TINAG: variants seen among roughly 807,000 people sequenced by gnomAD.
The protein encoded by TINAG is tubulointerstitial nephritis antigen.
TINAG carries 83 observed loss-of-function variants against 72.7 expected under a neutral mutation model. The ratio of observed to expected loss-of-function variants is 1.14; its 90% CI spans 0.96 to 1.37. TINAG has a LOEUF of 1.37. Among genes scored for constraint, TINAG ranks in the 40% most tolerant of loss-of-function variants. TINAG has a pLI of 0.00. For synonymous variants in TINAG, 234 were observed against 189.9 expected (o/e 1.23, Z -1.91); for missense variants, 685 against 576.6 (o/e 1.19, Z -1.93).
chr6:54,348,990 T>C (rs1439910065), intron 6 of TINAG, among the ~76,000 whole-genome samples: 1 of 152,078 alleles, frequency 6.6e-6, no homozygotes. Flanking sequence ...TTATTTCCCT[T>C]ACAATTTATC....
At chr6:54,333,624 A>T (rs568495191) in intron 4 of TINAG, among the ~76,000 whole-genome samples, 1 of 140,456 alleles carries the variant, frequency 7.1e-6, no homozygotes, top group Non-Finnish European at 1.5e-5. Context: ...AATAAAAAAA[A>T]AAAAAATAAA....
At chr6:54,321,474 T>G in intron 3 of TINAG, 88 bp downstream of exon 3, 1 of 900,446 alleles carries the variant, frequency 1.1e-6, no homozygotes, top group Non-Finnish European at 1.8e-6. Context: ...TAAATGGTCA[T>G]TGTTTAAAAA....
chr6:54,331,932 A>G (rs1582710649), intron 4 of TINAG, among the ~76,000 whole-genome samples: 2 of 152,324 alleles, frequency 1.3e-5, no homozygotes, highest in East Asian at 3.9e-4. Flanking sequence ...AAGGAGAACT[A>G]CAAACCACTG....
Position 54,389,955 on chromosome 6 carries a change from CT to C in TINAG, c.*33del, listed in dbSNP as rs1764201996. 1.9e-6 allele frequency: 3 copies of C among 1,595,716 alleles called. No homozygotes were observed. Among genetic ancestry groups the C allele is most frequent in the Non-Finnish European group, 2.6e-6 (3 of 1,174,664 alleles). ...TCATTAAATTTCCATAAGGTCATGC[CT>C]TTAAGTAACCCCCTAAATTGAAGTT... is the stretch of plus-strand genomic sequence containing the variant. On this transcript the variant is annotated 3_prime_UTR_variant, in exon 11 of 11. Transcript: ENST00000259782.
intron 3 of TINAG, among the ~76,000 whole-genome samples, chr6:54,324,429 C>G (rs1582702267): frequency 6.6e-6 from 1 of 152,104 alleles, no homozygotes; most frequent in Non-Finnish European, 1.5e-5. Context: ...GGAAGTTGCC[C>G]CAGTCCTCCC....
chr6:54,346,312 G>C (rs1785119651), intron 5 of TINAG, among the ~76,000 whole-genome samples: 1 of 151,934 alleles, frequency 6.6e-6, no homozygotes, highest in South Asian at 2.1e-4. Context: ...CAGTTAGTAG[G>C]TGTTTAATAA....
At chr6:54,331,027 T>A (rs1309899441) in intron 4 of TINAG, among the ~76,000 whole-genome samples, 1 of 151,920 alleles carries the variant, frequency 6.6e-6, no homozygotes, top group Non-Finnish European at 1.5e-5. Context: ...ATTCCAGAGG[T>A]ACAAAGAGGA....
intron 3 of TINAG, among the ~76,000 whole-genome samples, chr6:54,322,412 G>A (rs1784513678): frequency 6.6e-6 from 1 of 151,704 alleles, no homozygotes; most frequent in South Asian, 2.1e-4. Context: ...AGAGGAACAA[G>A]CCAGCTGGTA....
intron 5 of TINAG, among the ~76,000 whole-genome samples, chr6:54,346,304 G>A (rs1785119409): frequency 6.6e-6 from 1 of 151,954 alleles, no homozygotes; most frequent in South Asian, 2.1e-4. Flanking sequence ...ATGCCTGTCA[G>A]TTAGTAGGTG....
intron 4 of TINAG, chr6:54,327,265 T>A (rs1784629858): frequency 1.5e-5 from 20 of 1,342,960 alleles, no homozygotes; most frequent in South Asian, 2.7e-5. Context: ...TTCATCTCAT[T>A]GGGACTGGTT....
intron 9 of TINAG, among the ~76,000 whole-genome samples, chr6:54,370,675 G>C (rs1413785314): frequency 6.6e-6 from 1 of 152,024 alleles, no homozygotes; most frequent in Non-Finnish European, 1.5e-5. Flanking sequence ...GCCACTGAGA[G>C]GTCCCACAGG....
intron 10 of TINAG, among the ~76,000 whole-genome samples, chr6:54,389,418 A>G (rs980803274): frequency 1.3e-5 from 2 of 152,154 alleles, no homozygotes; most frequent in Admixed American, 6.6e-5. Context: ...AACTTCCTGA[A>G]CATAAGATAA....
chr6:54,373,810 A>G (rs148141107), intron 9 of TINAG, among the ~76,000 whole-genome samples: 64 of 152,256 alleles, frequency 4.2e-4, no homozygotes, highest in African/African-American at 1.3e-3. Flanking sequence ...CTAAGATTCT[A>G]TGAGAAGGCA....
Position 54,343,792 on chromosome 6 carries a change from C to T in TINAG, c.748+443C>T, listed in dbSNP as rs552840296. Reference sequence around the variant, plus strand: ...ATTTGATGTGAAGTAAGACTTTAAACCTAAATAATAATGGATCAAATGGAT... The same window carrying T: ...ATTTGATGTGAAGTAAGACTTTAAATCTAAATAATAATGGATCAAATGGAT... On this transcript the variant is annotated intron_variant, in intron 5 of 10. Coordinates refer to ENST00000259782, the MANE Select transcript of TINAG (RefSeq NM_014464.4). Among the ~76,000 whole-genome samples the T allele has an allele frequency of 9.2e-5, 14 of 151,906 alleles. 1 individual carries two copies. The highest frequency in any genetic ancestry group is 3.4e-4 in the African/African-American group (14 of 41,448).
At chr6:54,354,759 A>G (rs1785352289) in intron 9 of TINAG, 123 bp downstream of exon 9, 1 of 1,110,752 alleles carries the variant, frequency 9.0e-7, no homozygotes, top group Middle Eastern at 3.0e-4. Context: ...ATGAAAAATG[A>G]TCTAAACCTT....
intron 1 of TINAG, 136 bp downstream of exon 1, chr6:54,309,041 T>C (rs1784178918): frequency 2.2e-6 from 2 of 898,892 alleles, no homozygotes; most frequent in East Asian, 5.3e-5. Flanking sequence ...AGAAAATACA[T>C]TTCTTTGGAT....
chr6:54,315,027 T>C (rs1784340317), intron 1 of TINAG, among the ~76,000 whole-genome samples: 1 of 152,150 alleles, frequency 6.6e-6, no homozygotes, highest in African/African-American at 2.4e-5. Flanking sequence ...AAAATAGTAC[T>C]ACACAATATT....
chr6:54,322,092 G>A (rs1298726134), intron 3 of TINAG, among the ~76,000 whole-genome samples: 1 of 152,076 alleles, frequency 6.6e-6, no homozygotes, highest in Admixed American at 6.6e-5. Context: ...GATCACTTGA[G>A]GCCAGGAGTT....
At chr6:54,328,885 T>G (rs1179114894) in intron 4 of TINAG, among the ~76,000 whole-genome samples, 4 of 151,448 alleles carry the variant, frequency 2.6e-5, no homozygotes. Context: ...AGATTGAAGA[T>G]CAACTTAATG....
Sources: gnomAD v4.1 joint callset for allele counts (sites outside exome capture counted in the v4.1 genomes callset) on GRCh38, gnomAD v4.1.1 for gene constraint, MANE v1.5 for transcripts, NCBI Gene and HGNC (gene_info 2026-07-23, HGNC 2026-07-21) for gene names.